Variants in CNTN6 observed in about 807,000 individuals in gnomAD.
CNTN6 encodes the protein contactin-6.
CNTN6 carries 137 observed loss-of-function variants against 122.8 expected under a neutral mutation model. The observed-to-expected ratio is 1.12, with a 90% CI of 0.97 to 1.29. CNTN6 has a LOEUF of 1.29. Among genes scored for constraint, CNTN6 ranks in the 50% most tolerant of loss-of-function variants. CNTN6 has a pLI of 0.00. For missense variants in CNTN6, 1,634 were observed against 1,223.4 expected (o/e 1.34, Z -5.01); for synonymous variants, 570 against 426.0 (o/e 1.34, Z -4.16).
intron 1 of CNTN6, among the ~76,000 whole-genome samples, chr3:1,095,402 C>T (rs1317776065): frequency 2.6e-5 from 4 of 152,164 alleles, no homozygotes; most frequent in Middle Eastern, 3.4e-3. Context: ...CCCCGGGAGG[C>T]GGAGCTTGCA....
At position 1,321,732 on chromosome 3, in the gene CNTN6, C is replaced by G; in HGVS notation, c.844C>G (p.Leu282Val). ...CAAGTACAGCAAATCCCAAGCTATC[C>G]TTGAAATCCCGAACTTCCAACAAGA... ...KVKYSKSQAI[L>V]EIPNFQQEDE... Residue 282 changes from leucine (L) to valine (V), a missense_variant, in exon 8 of 23, where the codon CTT (leucine) becomes GTT (valine). By Grantham distance (32) the Leu-to-Val change is conservative. Transcript: ENST00000446702. 2 of 1,611,898 alleles carry G rather than the reference C, an allele frequency of 1.2e-6. No individual in the cohort carries two copies. Among genetic ancestry groups the G allele is most frequent in the Non-Finnish European group, 8.5e-7 (1 of 1,178,650 alleles).
intron 1 of CNTN6, among the ~76,000 whole-genome samples, chr3:1,122,460 A>C (rs1189041715): frequency 6.7e-6 from 1 of 149,550 alleles, no homozygotes; most frequent in Non-Finnish European, 1.5e-5. Flanking sequence ...TTCCCATGAC[A>C]TAAAAGTAAC....
intron 2 of CNTN6, among the ~76,000 whole-genome samples, chr3:1,165,555 T>C (rs1296250333): frequency 2.6e-5 from 4 of 152,096 alleles, no homozygotes; most frequent in African/African-American, 7.2e-5. Context: ...CTGGCCAAAC[T>C]GAGTGCATCA....
intron 12 of CNTN6, among the ~76,000 whole-genome samples, chr3:1,368,798 C>A (rs1708584230): frequency 6.6e-6 from 1 of 151,924 alleles, no homozygotes; most frequent in Non-Finnish European, 1.5e-5. Context: ...ATGAATCATA[C>A]CCTAATTTTA....
intron 1 of CNTN6, among the ~76,000 whole-genome samples, chr3:1,138,672 A>G (rs1387128711): frequency 1.3e-5 from 2 of 152,146 alleles, no homozygotes; most frequent in Admixed American, 6.6e-5. Flanking sequence ...TATTTTCCCA[A>G]AAACAAAATT....
At chr3:1,300,488 GAA>G (rs1559754079) in intron 7 of CNTN6, among the ~76,000 whole-genome samples, 2,438 of 99,392 alleles carry the variant, frequency 0.025, 105 homozygotes, top group African/African-American at 0.13. Context: ...AGGAAGGAAG[GAA>G]GGAAAAAGAA....
rs916052401 is a variant in CNTN6, at chr3:1,245,583, T to C, written c.358+17590T>C. The stretch of plus-strand genomic sequence containing the variant: ...ATAAAAGATTACATATTGGGTACAG[T>C]GTACGTGGCTCAGGTGACGGGTACG... On this transcript the variant is annotated intron_variant, in intron 4 of 22. Transcript: ENST00000446702. Among the ~76,000 whole-genome samples the C allele has an allele frequency of 2.0e-5, 3 of 150,890 alleles. No individual in the cohort carries two copies. In the South Asian group the frequency reaches 6.3e-4, roughly 31 times the overall value.
At chr3:1,365,413 C>T (rs1708073292) in intron 12 of CNTN6, among the ~76,000 whole-genome samples, 1 of 151,782 alleles carries the variant, frequency 6.6e-6, no homozygotes, top group African/African-American at 2.4e-5. Flanking sequence ...AATATGTAAG[C>T]TTATATGTGT....
chr3:1,144,326 A>G (rs2092678371), intron 1 of CNTN6, among the ~76,000 whole-genome samples: 2 of 152,162 alleles, frequency 1.3e-5, no homozygotes, highest in Admixed American at 1.3e-4. Flanking sequence ...CTGTAACCCC[A>G]GCACTTTGGG....
At chr3:1,171,363 T>G (rs2093354558) in intron 2 of CNTN6, among the ~76,000 whole-genome samples, 1 of 152,186 alleles carries the variant, frequency 6.6e-6, no homozygotes, top group African/African-American at 2.4e-5. Flanking sequence ...CAATTTAAAT[T>G]TTGGCTACAG....
In CNTN6 at chr3:1,388,255, C is replaced by T. The variant is rs1034431232; in HGVS notation, c.2704+2458C>T. Among the ~76,000 whole-genome samples, 13 of 149,422 alleles carry T rather than the reference C, an allele frequency of 8.7e-5. No individual in the cohort carries two copies. In the East Asian group the frequency reaches 1.2e-3, roughly 14 times the overall value. On this transcript the variant is annotated intron_variant, in intron 20 of 22. Transcript: ENST00000446702. ...GCCTCCTCAAGTGGGTCCCTGACCC[C>T]TGACCCCCGAGCAGCCTAACTGGGA...
At chr3:1,287,004 G>A (rs1016011817) in intron 5 of CNTN6, among the ~76,000 whole-genome samples, 1 of 152,106 alleles carries the variant, frequency 6.6e-6, no homozygotes, top group African/African-American at 2.4e-5. Flanking sequence ...AGGGATCAAT[G>A]CAACAGGAAG....
At chr3:1,299,100 T>A (rs1403895683) in intron 7 of CNTN6, among the ~76,000 whole-genome samples, 1 of 152,200 alleles carries the variant, frequency 6.6e-6, no homozygotes, top group African/African-American at 2.4e-5. Context: ...TAGTCATTTC[T>A]CATGGATTTA....
At chr3:1,380,993 A>ACT (rs139404944) in intron 17 of CNTN6, among the ~76,000 whole-genome samples, 1 of 151,962 alleles carries the variant, frequency 6.6e-6, no homozygotes. Flanking sequence ...TAATCATTTG[A>ACT]CTCTCTGTTG....
intron 1 of CNTN6, among the ~76,000 whole-genome samples, 195 bp from the exon 2 acceptor site, chr3:1,147,732 T>C (rs1028428811): frequency 1.3e-5 from 2 of 152,070 alleles, no homozygotes; most frequent in African/African-American, 4.8e-5. Flanking sequence ...GAGGTGTGAA[T>C]TGAAATTAAG....
chr3:1,205,674 T>C (rs2093948039), intron 2 of CNTN6, among the ~76,000 whole-genome samples: 1 of 152,118 alleles, frequency 6.6e-6, no homozygotes, highest in Non-Finnish European at 1.5e-5. Context: ...TTCAAAGAAA[T>C]GTAAATGAAC....
rs368205362 is a variant in CNTN6 at position 1,371,257 on chromosome 3, G to A, written c.1493-1042G>A. ...AGTGAAGATTTTAGTCCATTTCTTA[G>A]AGAGCTAAACTTTATCTTATAAATT... On this transcript the variant is annotated intron_variant, in intron 12 of 22. Coordinates refer to ENST00000446702, the MANE Select transcript of CNTN6 (RefSeq NM_001289080.2). Among the ~76,000 whole-genome samples, 33 of 152,176 alleles carry A rather than the reference G, an allele frequency of 2.2e-4. No individual in the cohort carries two copies. The East Asian group carries it at 4.3e-3, about 20-fold the overall frequency.
chr3:1,300,805 C>T (rs77878523), intron 7 of CNTN6, among the ~76,000 whole-genome samples: 4 of 151,984 alleles, frequency 2.6e-5, no homozygotes, highest in Admixed American at 2.0e-4. Context: ...CTCTCTCTCT[C>T]CCCCTCTCTC....
At chr3:1,097,057 A>G (rs1310007474) in intron 1 of CNTN6, among the ~76,000 whole-genome samples, 1 of 152,206 alleles carries the variant, frequency 6.6e-6, no homozygotes, top group Non-Finnish European at 1.5e-5. Flanking sequence ...TATTCTCAGT[A>G]TTCATATTGA....
Sources: gnomAD v4.1 joint callset for allele counts (sites outside exome capture counted in the v4.1 genomes callset) on GRCh38, gnomAD v4.1.1 for gene constraint, MANE v1.5 for transcripts, NCBI Gene and HGNC (gene_info 2026-07-23, HGNC 2026-07-21) for gene names.